FHIT: variants seen among roughly 807,000 people sequenced by gnomAD.
The protein encoded by FHIT is bis(5'-adenosyl)-triphosphatase.
In FHIT, 19 loss-of-function variants were observed where a neutral mutation model predicts 17.9. That is an observed-to-expected ratio of 1.06 (90% CI 0.74 to 1.56). The LOEUF is 1.56. Ranked by LOEUF, FHIT falls within the 40% of genes most tolerant of loss-of-function variation. The probability of loss-of-function intolerance (pLI) is 0.00; values close to 1 mark genes in which losing one functional copy is unlikely to be tolerated. For synonymous variants in FHIT, 81 were observed against 69.7 expected (o/e 1.16, Z -0.81); for missense variants, 248 against 189.2 (o/e 1.31, Z -1.82).
chr3:60,403,170 T>A (rs759196200), intron 5 of FHIT, among the ~76,000 whole-genome samples: 1 of 152,154 alleles, frequency 6.6e-6, no homozygotes, highest in African/African-American at 2.4e-5. Flanking sequence ...AAAAGCAGCA[T>A]TGAAATAACC....
chr3:59,790,842 T>C (rs1249687348), intron 8 of FHIT, among the ~76,000 whole-genome samples: 1 of 152,182 alleles, frequency 6.6e-6, no homozygotes, highest in African/African-American at 2.4e-5. Flanking sequence ...ATATGGTTGG[T>C]AGGTGCTAAG....
intron 4 of FHIT, among the ~76,000 whole-genome samples, chr3:60,641,621 C>G (rs1199745804): frequency 1.3e-5 from 2 of 152,120 alleles, no homozygotes; most frequent in African/African-American, 4.8e-5. Flanking sequence ...TCTCCAGAGA[C>G]TGATCTACTT....
At chr3:60,443,288 G>A (rs1466405484) in intron 5 of FHIT, among the ~76,000 whole-genome samples, 1 of 152,114 alleles carries the variant, frequency 6.6e-6, no homozygotes, top group African/African-American at 2.4e-5. Flanking sequence ...TGATTGCCCT[G>A]GCCAGAACTT....
At chr3:60,680,560 A>ATTTTTTTTTTTTTTTTT (rs56306198) in intron 4 of FHIT, among the ~76,000 whole-genome samples, 1 of 145,846 alleles carries the variant, frequency 6.9e-6, no homozygotes, top group Non-Finnish European at 1.5e-5. Flanking sequence ...TTCATCATCT[A>ATTTTTTTTTTTTTTTTT]TTTTTTTTTT....
At chr3:59,914,949 A>C (rs1048818255) in intron 8 of FHIT, among the ~76,000 whole-genome samples, 4 of 152,166 alleles carry the variant, frequency 2.6e-5, no homozygotes, top group African/African-American at 9.7e-5. Flanking sequence ...GACAATTTTA[A>C]GTGACTGTTT....
At chr3:60,502,196 C>T (rs2034552334) in intron 5 of FHIT, among the ~76,000 whole-genome samples, 1 of 152,144 alleles carries the variant, frequency 6.6e-6, no homozygotes, top group Admixed American at 6.5e-5. Flanking sequence ...GATCTTAGAA[C>T]ACAGGAAGAG....
At chr3:60,242,116 T>C (rs1288757315) in intron 5 of FHIT, among the ~76,000 whole-genome samples, 1 of 152,130 alleles carries the variant, frequency 6.6e-6, no homozygotes, top group Non-Finnish European at 1.5e-5. Context: ...ACTAAAAATA[T>C]GTATTATCTT....
chr3:59,968,377 G>T (rs950899061), intron 7 of FHIT, among the ~76,000 whole-genome samples: 10 of 151,908 alleles, frequency 6.6e-5, no homozygotes, highest in Admixed American at 2.0e-4. Context: ...TGGTCAGAAA[G>T]CTCAGCTCTA....
rs1405941157 is a variant in FHIT at position 60,592,214 on chromosome 3, CTA to C, written c.-17-55237_-17-55236del. Among the ~76,000 whole-genome samples, 745 of 144,350 alleles carry C rather than the reference CTA, an allele frequency of 5.2e-3. 5 individuals carry two copies. The highest frequency in any genetic ancestry group is 0.016 in the African/African-American group (626 of 39,572). 94.7% of individuals were successfully genotyped at this position (144,350 alleles called of 152,430 possible). ...TCTATATATTCTCTATATGTAACCT[CTA>C]TATATATATATACTATATATATTCC... On this transcript the variant is annotated intron_variant, in intron 4 of 9. Coordinates refer to ENST00000492590, the MANE Select transcript of FHIT (RefSeq NM_002012.4).
intron 5 of FHIT, among the ~76,000 whole-genome samples, chr3:60,507,859 C>A (rs562404845): frequency 6.6e-6 from 1 of 152,264 alleles, no homozygotes; most frequent in South Asian, 2.1e-4. Flanking sequence ...TGATTTCATT[C>A]TTTTTATGGC....
At chr3:60,083,943 T>G (rs1353269580) in intron 5 of FHIT, among the ~76,000 whole-genome samples, 4 of 152,224 alleles carry the variant, frequency 2.6e-5, no homozygotes, top group African/African-American at 9.6e-5. Context: ...AGCTATTGCC[T>G]CAGCATCAAA....
At chr3:60,924,728 G>A (rs1559834345) in intron 3 of FHIT, among the ~76,000 whole-genome samples, 2 of 152,104 alleles carry the variant, frequency 1.3e-5, no homozygotes, top group African/African-American at 4.8e-5. Context: ...GACGAGTTGA[G>A]AGAAGAAGGC....
chr3:60,596,369 G>T (rs555720100), intron 4 of FHIT, among the ~76,000 whole-genome samples: 1 of 152,086 alleles, frequency 6.6e-6, no homozygotes, highest in Admixed American at 6.6e-5. Context: ...TGGCCTTGCC[G>T]ACACTGCACT....
chr3:59,954,494 GAGTGCTGTGCAA>G (rs377160107), intron 7 of FHIT, among the ~76,000 whole-genome samples: 3 of 152,224 alleles, frequency 2.0e-5, no homozygotes, highest in African/African-American at 7.2e-5. Flanking sequence ...CTCACCTAAG[GAGTGCTGTGCAA>G]AGTGCTGAAG....
chr3:60,371,212 G>T (rs1700312983), intron 5 of FHIT, among the ~76,000 whole-genome samples: 1 of 152,270 alleles, frequency 6.6e-6, no homozygotes, highest in South Asian at 2.1e-4. Flanking sequence ...TGTGGAGGGA[G>T]CATAACAAAT....
chr3:61,226,904 C>G (rs1391968286), intron 1 of FHIT, among the ~76,000 whole-genome samples: 1 of 152,044 alleles, frequency 6.6e-6, no homozygotes. Context: ...ACAGACACAG[C>G]CCCTGCCCTC....
intron 8 of FHIT, among the ~76,000 whole-genome samples, chr3:59,821,424 C>A (rs557887332): frequency 1.2e-3 from 182 of 152,336 alleles, no homozygotes; most frequent in Middle Eastern, 6.8e-3. Flanking sequence ...AAACACTCCA[C>A]ACCCATTATC....
At chr3:60,056,125 T>C (rs1702070530) in intron 5 of FHIT, among the ~76,000 whole-genome samples, 1 of 152,210 alleles carries the variant, frequency 6.6e-6, no homozygotes. Flanking sequence ...GCAGTTTCCA[T>C]ACATAGGGCT....
intron 1 of FHIT, among the ~76,000 whole-genome samples, chr3:61,234,438 G>C (rs1477854361): frequency 2.6e-5 from 4 of 152,220 alleles, no homozygotes; most frequent in Non-Finnish European, 5.9e-5. Flanking sequence ...TTAATGCCAT[G>C]GGAAAATGCA....
Sources: gnomAD v4.1 joint callset for allele counts (sites outside exome capture counted in the v4.1 genomes callset) on GRCh38, gnomAD v4.1.1 for gene constraint, MANE v1.5 for transcripts, NCBI Gene and HGNC (gene_info 2026-07-23, HGNC 2026-07-21) for gene names.